Variants in SYBU observed in about 807,000 individuals in gnomAD.
SYBU encodes GOLSYN A protein.
SYBU carries 21 observed loss-of-function variants against 35.9 expected under a neutral mutation model. The observed-to-expected ratio is 0.58, with a 90% CI of 0.41 to 0.84. The LOEUF is 0.84. Among genes scored for constraint, SYBU ranks in the 40% least tolerant of loss-of-function variants. The pLI is 0.00. For missense variants in SYBU, 768 were observed against 848.2 expected, an observed-to-expected ratio of 0.91 and a Z score of 1.17; for synonymous variants, 319 against 324.3, an observed-to-expected ratio of 0.98 and a Z score of 0.18.
chr8:109,575,184 G>A lies in SYBU; in HGVS notation c.1714C>T (p.Arg572Cys), dbSNP rs981215577. ...GCAAAATCCAGCTCTCTCATGAGGC[G>A]GTTTGCATGAACTTCTGCATCCACA... ...ANVDAEVHANRLMRELDFAAC... is the reference protein window; with the variant it reads ...ANVDAEVHANCLMRELDFAAC... The change falls in exon 7 of 7, where the codon CGC (arginine) becomes TGC (cysteine). Residue 572 changes from arginine (R) to cysteine (C), a missense_variant. Physicochemically the swap from Arg to Cys is radical, Grantham distance 180. Coordinates refer to ENST00000276646, the MANE Select transcript of SYBU (RefSeq NM_001099754.2). 2.2e-5 allele frequency: 35 copies of A among 1,614,082 alleles called. No individual in the cohort carries two copies. The highest frequency in any genetic ancestry group is 2.9e-5 in the Non-Finnish European group (34 of 1,180,044).
At chr8:109,644,899 C>T, upstream of SYBU, 3 of 551,924 alleles carry the variant, frequency 5.4e-6, no homozygotes, top group Non-Finnish European at 6.5e-6. Flanking sequence ...TCCTGGGGCG[C>T]CTCCCACGCC....
intron 5 of SYBU, among the ~76,000 whole-genome samples, chr8:109,579,506 C>A (rs1323260466): frequency 6.6e-6 from 1 of 152,054 alleles, no homozygotes; most frequent in Admixed American, 6.6e-5. Flanking sequence ...TTCACTGGAA[C>A]CTCTGCCTCC....
intron 1 of SYBU, among the ~76,000 whole-genome samples, chr8:109,651,448 CTTTTTTTTTTT>C (rs535652540): frequency 3.1e-5 from 2 of 64,466 alleles, no homozygotes; most frequent in African/African-American, 1.1e-4. Flanking sequence ...GAAATTGAGA[CTTTTTTTTTTT>C]TTTTTTTTTT....
intron 1 of SYBU, among the ~76,000 whole-genome samples, chr8:109,659,741 T>G (rs1816492677): frequency 6.6e-6 from 1 of 152,142 alleles, no homozygotes; most frequent in South Asian, 2.1e-4. Flanking sequence ...CCAAATCTTA[T>G]AGGTCTTTTG....
At chr8:109,654,359 T>G (rs1472096698) in intron 1 of SYBU, among the ~76,000 whole-genome samples, 1 of 152,216 alleles carries the variant, frequency 6.6e-6, no homozygotes, top group African/African-American at 2.4e-5. Flanking sequence ...AGTTTTGATC[T>G]TAGTCTTGGC....
chr8:109,690,665 A>G (rs1817624770), intron 1 of SYBU, among the ~76,000 whole-genome samples: 1 of 152,166 alleles, frequency 6.6e-6, no homozygotes, highest in Admixed American at 6.5e-5. Flanking sequence ...CTTTCCACAT[A>G]CTAAATTAAG....
chr8:109,689,832 GAAAAAAAAAAAAA>G (rs544879954), intron 1 of SYBU, among the ~76,000 whole-genome samples: 4 of 102,740 alleles, frequency 3.9e-5, no homozygotes, highest in African/African-American at 1.4e-4. Context: ...ACTACAATAT[GAAAAAAAAAAAAA>G]AAAAAAAAAA....
intron 3 of SYBU, among the ~76,000 whole-genome samples, chr8:109,616,340 G>C (rs1331661909): frequency 1.3e-5 from 2 of 151,852 alleles, no homozygotes; most frequent in African/African-American, 2.4e-5. Context: ...TGAAGATGGA[G>C]AGCCATAATA....
At chr8:109,622,857 C>T (rs532859460) in intron 2 of SYBU, among the ~76,000 whole-genome samples, 143 of 152,236 alleles carry the variant, frequency 9.4e-4, no homozygotes, top group African/African-American at 3.3e-3. Context: ...GAATAATGTG[C>T]CCCCAAAGTG....
At chr8:109,651,775 A>G (rs979720624) in intron 1 of SYBU, among the ~76,000 whole-genome samples, 2 of 152,150 alleles carry the variant, frequency 1.3e-5, no homozygotes, top group African/African-American at 4.8e-5. Flanking sequence ...TCCAACCACC[A>G]TTGCTGTGTC....
chr8:109,669,272 G>A (rs977624681), intron 1 of SYBU, among the ~76,000 whole-genome samples: 2 of 149,536 alleles, frequency 1.3e-5, no homozygotes, highest in African/African-American at 5.0e-5. Flanking sequence ...AGCCCAGGAG[G>A]CGGAGCTTGC....
At chr8:109,669,644 C>T (rs867744434) in intron 1 of SYBU, among the ~76,000 whole-genome samples, 2 of 152,202 alleles carry the variant, frequency 1.3e-5, no homozygotes, top group African/African-American at 4.8e-5. Flanking sequence ...CCTTTCCCCA[C>T]GTCTCTTCTC....
chr8:109,689,372 C>G (rs996733792), intron 1 of SYBU, among the ~76,000 whole-genome samples: 7 of 152,248 alleles, frequency 4.6e-5, no homozygotes, highest in African/African-American at 1.7e-4. Context: ...TGATCTGTCA[C>G]CCAGGCTGGA....
At chr8:109,601,573 A>G (rs1219277425) in intron 3 of SYBU, among the ~76,000 whole-genome samples, 1 of 152,126 alleles carries the variant, frequency 6.6e-6, no homozygotes, top group African/African-American at 2.4e-5. Context: ...AACACAGAGG[A>G]GGAAGAAATC....
intron 1 of SYBU, among the ~76,000 whole-genome samples, chr8:109,665,991 ACTTTT>A (rs1375522025): frequency 6.6e-6 from 1 of 152,174 alleles, no homozygotes; most frequent in East Asian, 1.9e-4. Context: ...GTTTTCTACA[ACTTTT>A]CTTTACTGAG....
Position 109,670,266 on chromosome 8 carries a change from C to A in SYBU, c.-129+10445G>T, listed in dbSNP as rs140551713. The stretch of plus-strand genomic sequence containing the variant: ...TTTTAAATTTTTTTTTATTATTATA[C>A]TTTTAAGTTCTAGGGTACCTGTGCA... On this transcript the variant is annotated intron_variant, in intron 1 of 5. Transcript: ENST00000408889. Among the ~76,000 whole-genome samples, 763 of 151,166 alleles carry A rather than the reference C, an allele frequency of 5.0e-3. 26 individuals carry two copies. The highest frequency in any genetic ancestry group is 0.046 in the Admixed American group (698 of 15,178).
intron 2 of SYBU, among the ~76,000 whole-genome samples, chr8:109,638,809 A>G (rs1814525238): frequency 6.6e-6 from 1 of 152,156 alleles, no homozygotes; most frequent in Non-Finnish European, 1.5e-5. Context: ...AAGCACAAAA[A>G]CACTCATGTG....
rs1812121742 is a variant in SYBU, at chr8:109,618,905, C to G, written c.364G>C (p.Gly122Arg). 4 of 1,614,178 alleles carry G rather than the reference C, an allele frequency of 2.5e-6. No individual in the cohort carries two copies. Among genetic ancestry groups the G allele is most frequent in the Non-Finnish European group, 3.4e-6 (4 of 1,180,012 alleles). ...TRKKCTIGMV[G>R]EGSIQSSRYK... ...CGAGAGGACTGAATGCTTCCTTCAC[C>G]AACCATTCCAATCGTGCATTTCTTT... The change falls in exon 3 of 7, where the codon GGT becomes CGT. Residue 122 changes from glycine to arginine, a missense_variant. Transcript: ENST00000276646.
At chr8:109,614,758 C>T (rs1811548772) in intron 3 of SYBU, among the ~76,000 whole-genome samples, 1 of 152,232 alleles carries the variant, frequency 6.6e-6, no homozygotes, top group African/African-American at 2.4e-5. Context: ...ACAAAGCCAC[C>T]ATCCAACTGG....
Sources: gnomAD v4.1 joint callset for allele counts (sites outside exome capture counted in the v4.1 genomes callset) on GRCh38, gnomAD v4.1.1 for gene constraint, MANE v1.5 for transcripts, NCBI Gene and HGNC (gene_info 2026-07-23, HGNC 2026-07-21) for gene names.